The following FGGY variants were observed in gnomAD, a reference collection of about 807,000 sequenced individuals.
FGGY encodes the protein FGGY carbohydrate kinase domain containing, also known as FGGY carbohydrate kinase domain-containing protein.
In FGGY, 72 loss-of-function variants were observed where a neutral mutation model predicts 71.3. The ratio of observed to expected loss-of-function variants is 1.01; its 90% CI spans 0.84 to 1.23. The LOEUF is 1.23. Among genes scored for constraint, FGGY ranks in the 50% most tolerant of loss-of-function variants. The probability of loss-of-function intolerance (pLI) is 0.00; values close to 1 mark genes in which losing one functional copy is unlikely to be tolerated. For synonymous variants in FGGY, 251 were observed against 250.3 expected (o/e 1.00, Z -0.02); for missense variants, 668 against 682.3 (o/e 0.98, Z 0.23).
At chr1:59,651,893 A>C (rs12752718) in intron 11 of FGGY, among the ~76,000 whole-genome samples, 1 of 151,800 alleles carries the variant, frequency 6.6e-6, no homozygotes, top group Admixed American at 6.6e-5. Context: ...GCTGGTACCG[A>C]TTGTTCCTTT....
Position 59,361,343 on chromosome 1 carries a change from A to G in FGGY, c.465+14945A>G, listed in dbSNP as rs182309692. ...AGAGATAAAGTCACAGTACAGCATT[A>G]GTGCAGTGGGAACTTGGGTTACTCT... On this transcript the variant is annotated intron_variant, in intron 4 of 15. Transcript: ENST00000303721. 1.4e-4 allele frequency among the ~76,000 whole-genome samples: 22 copies of G among 152,332 alleles called. No homozygotes were observed. The South Asian group carries it at 1.5e-3, about 10-fold the overall frequency.
chr1:59,624,637 G>T (rs1448881574), intron 9 of FGGY, among the ~76,000 whole-genome samples: 2 of 152,150 alleles, frequency 1.3e-5, no homozygotes, highest in Non-Finnish European at 2.9e-5. Flanking sequence ...CACAATCATA[G>T]CAGAAGGCGA....
intron 2 of FGGY, among the ~76,000 whole-genome samples, chr1:59,334,137 CTTTTATTTTG>C (rs2049010344): frequency 6.6e-6 from 1 of 152,086 alleles, no homozygotes; most frequent in Non-Finnish European, 1.5e-5. Flanking sequence ...TCATCCACTT[CTTTTATTTTG>C]TTTTATTTTT....
At chr1:59,691,503 C>T (rs1270859504) in intron 14 of FGGY, among the ~76,000 whole-genome samples, 2 of 152,168 alleles carry the variant, frequency 1.3e-5, no homozygotes, top group East Asian at 3.9e-4. Flanking sequence ...TATCCAGCCA[C>T]TCTTGGAGAT....
chr1:59,516,175 TG>T (rs1367059649), intron 7 of FGGY, among the ~76,000 whole-genome samples: 1 of 152,210 alleles, frequency 6.6e-6, no homozygotes, highest in East Asian at 1.9e-4. Context: ...TTAGGAGGCC[TG>T]GGTGCAAATG....
chr1:59,453,944 C>T (rs975870738), intron 5 of FGGY, among the ~76,000 whole-genome samples: 2 of 151,980 alleles, frequency 1.3e-5, no homozygotes, highest in African/African-American at 4.8e-5. Flanking sequence ...GACATGAAGA[C>T]TTAGGGCCAT....
chr1:59,699,429 C>T lies in FGGY; in HGVS notation c.1512+25296C>T, dbSNP rs893889622. 4.1e-6 allele frequency: 4 copies of T among 983,254 alleles called. No homozygotes were observed. In the African/African-American group the frequency reaches 7.0e-5, roughly 17 times the overall value. The allele number at this position is 983,254 out of a possible 1,614,324, so 60.9% of individuals were successfully genotyped here. ...GCTTCTGTTAGTTTTGCAATAGTGA[C>T]ACCTAGGGGCTGTAGAGAACATTGC... is the stretch of plus-strand genomic sequence containing the variant. On this transcript the variant is annotated intron_variant, in intron 14 of 15. Transcript: ENST00000303721.
In FGGY at chr1:59,321,728, C is replaced by T. The variant is rs187579685; in HGVS notation, c.179C>T (p.Ala60Val). 3.1e-5 allele frequency: 50 copies of T among 1,611,552 alleles called. No homozygotes were observed. In the East Asian group the frequency reaches 1.1e-3, roughly 36 times the overall value. Residue 60 changes from alanine (A) to valine (V), a missense_variant, in exon 2 of 16, where the codon GCT (alanine) becomes GTT (valine). By Grantham distance (64) the Ala-to-Val change is moderately conservative (BLOSUM62 0). This residue lies in a region of FGGY where 661 missense variants were observed against 661.6 expected (regional missense o/e 1.00). Transcript: ENST00000303721. ...HHEQSSEDIW[A>V]ACCVVTKKVV... is the part of the protein sequence containing the mutation. ...GAGCAGTCCTCCGAGGACATCTGGG[C>T]TGCGTGCTGTGTTGTCACAAAGGTA...
chr1:59,380,783 G>A (rs1017666190), intron 5 of FGGY, among the ~76,000 whole-genome samples: 1 of 151,554 alleles, frequency 6.6e-6, no homozygotes, highest in Admixed American at 6.5e-5. Context: ...CTGTCCAGAA[G>A]CTCTTTAGTT....
At chr1:59,674,231 A>G (rs895675263) in intron 14 of FGGY, 98 bp downstream of exon 14, 5 of 818,422 alleles carry the variant, frequency 6.1e-6, no homozygotes, top group East Asian at 2.7e-5. Flanking sequence ...CACACAGGAT[A>G]TAATTAAGAA....
At chr1:59,432,516 GT>G (rs1264112434) in intron 5 of FGGY, among the ~76,000 whole-genome samples, 3 of 152,188 alleles carry the variant, frequency 2.0e-5, no homozygotes, top group Non-Finnish European at 4.4e-5. Flanking sequence ...CACCTGGTTG[GT>G]TTCTGAAGAG....
At chr1:59,352,198 CT>C (rs1482302924) in intron 4 of FGGY, among the ~76,000 whole-genome samples, 1 of 152,118 alleles carries the variant, frequency 6.6e-6, no homozygotes, top group Non-Finnish European at 1.5e-5. Flanking sequence ...GGTCTCCTAT[CT>C]TTATAAACAT....
At chr1:59,667,143 A>G (rs2097333140) in intron 12 of FGGY, 140 bp from the exon 13 acceptor site, 2 of 1,082,684 alleles carry the variant, frequency 1.8e-6, no homozygotes, top group South Asian at 2.7e-5. Context: ...AGACAACATA[A>G]TCTCTGTGAG....
At position 59,749,148 on chromosome 1, in the gene FGGY, A is replaced by T. The variant is rs550515876; in HGVS notation, c.1513-8783A>T. Among the ~76,000 whole-genome samples, 101 of 152,328 alleles carry T rather than the reference A, an allele frequency of 6.6e-4. 1 individual carries two copies. The highest frequency in any genetic ancestry group is 2.4e-3 in the African/African-American group (98 of 41,574). The stretch of plus-strand genomic sequence containing the variant: ...TGCACCACTGCACCTCCCTCCCCTC[A>T]TACCTTGCTCTATGTATCTCTTCCA... On this transcript the variant is annotated intron_variant, in intron 14 of 15. Transcript: ENST00000303721.
Position 59,339,946 on chromosome 1 carries a change from T to C in FGGY, c.202-12T>C. 1 of 1,558,876 alleles carries C rather than the reference T, an allele frequency of 6.4e-7. No homozygotes were observed. Among genetic ancestry groups the C allele is most frequent in the Non-Finnish European group, 8.8e-7 (1 of 1,133,780 alleles). ...GTGTTGTAATTTATGTTTTTATTTG[T>C]TTTTAAAACAGAAAGTTGTACAAGG... On this transcript the variant is annotated splice_polypyrimidine_tract_variant and intron_variant, in intron 2 of 15. Transcript: ENST00000303721.
chr1:59,404,364 G>GA (rs535670569), intron 5 of FGGY, among the ~76,000 whole-genome samples: 38 of 150,300 alleles, frequency 2.5e-4, no homozygotes, highest in East Asian at 1.6e-3. Context: ...CGGAACTTAA[G>GA]AAAAAAAAAT....
chr1:59,569,525 TA>T (rs2095942581), intron 8 of FGGY, among the ~76,000 whole-genome samples: 2 of 152,210 alleles, frequency 1.3e-5, no homozygotes, highest in South Asian at 2.1e-4. Context: ...TCTGCTTTTG[TA>T]AAAAGCTGTT....
chr1:59,384,165 A>G (rs1191177448), intron 5 of FGGY, among the ~76,000 whole-genome samples: 2 of 152,128 alleles, frequency 1.3e-5, no homozygotes, highest in African/African-American at 4.8e-5. Context: ...TGCCATTTTT[A>G]TTGGCTGTGA....
At chr1:59,678,626 G>A (rs923301731) in intron 14 of FGGY, among the ~76,000 whole-genome samples, 1 of 152,132 alleles carries the variant, frequency 6.6e-6, no homozygotes, top group Non-Finnish European at 1.5e-5. Context: ...TCCACTTTCT[G>A]TTTCCTTCAG....
Sources: gnomAD v4.1 joint callset for allele counts (sites outside exome capture counted in the v4.1 genomes callset) on GRCh38, gnomAD v4.1.1 for gene constraint, gnomAD v4.1.1 regional missense constraint, MANE v1.5 for transcripts, NCBI Gene and HGNC (gene_info 2026-07-23, HGNC 2026-07-21) for gene names.